The following POLR2F variants were observed in gnomAD, a reference collection of about 807,000 sequenced individuals.
POLR2F encodes the protein DNA-directed RNA polymerases I, II, and III subunit RPABC2.
POLR2F carries 12 observed loss-of-function variants against 22.7 expected under a neutral mutation model. The ratio of observed to expected loss-of-function variants is 0.53; its 90% CI spans 0.34 to 0.86. The LOEUF (loss-of-function observed/expected upper bound fraction) is 0.86, where lower values mean the gene tolerates loss of function less well. POLR2F is among the 40% of genes least tolerant of loss of function. The pLI, the probability that POLR2F is intolerant of heterozygous loss-of-function variation, is 0.02. For missense variants in POLR2F, 126 were observed against 171.5 expected (o/e 0.73, Z 1.48); for synonymous variants, 57 against 66.0 (o/e 0.86, Z 0.66).
intron 3 of POLR2F, among the ~76,000 whole-genome samples, chr22:37,965,151 A>C (rs910150860): frequency 5.9e-5 from 9 of 152,060 alleles, no homozygotes; most frequent in Non-Finnish European, 8.8e-5. Context: ...GACTACAGGC[A>C]TGTGCCACCA....
At position 37,974,644 on chromosome 22, in the gene POLR2F, C is replaced by T. The variant is rs971183225; in HGVS notation, c.293+7474C>T. 3.3e-5 allele frequency among the ~76,000 whole-genome samples: 5 copies of T among 152,184 alleles called. No individual in the cohort carries two copies. Among genetic ancestry groups the T allele is most frequent in the Non-Finnish European group, 4.4e-5 (3 of 68,036 alleles). On this transcript the variant is annotated intron_variant, in intron 4 of 4. Transcript: ENST00000405557. The surrounding 1 kb of genome is among the most constrained non-coding windows in gnomAD (Gnocchi z 5.4). ...CTGGGATTACCATCATGAGCCACTG[C>T]GCCCCACAGCATTTGTTTAAATACT...
chr22:37,998,955 C>T (rs1360176369), intron 1 of POLR2F, among the ~76,000 whole-genome samples: 2 of 151,946 alleles, frequency 1.3e-5, no homozygotes, highest in Admixed American at 1.3e-4. Context: ...GACCCGCCGC[C>T]CCAAGATGGG....
intron 1 of POLR2F, among the ~76,000 whole-genome samples, chr22:38,025,356 G>A (rs62235119): frequency 0.021 from 3,125 of 151,614 alleles, 59 homozygotes; most frequent in Non-Finnish European, 0.035. Context: ...CAATCACAAC[G>A]TACACACACA....
chr22:37,969,599 A>G (rs1320950573), downstream of POLR2F, among the ~76,000 whole-genome samples: 2 of 152,160 alleles, frequency 1.3e-5, no homozygotes, highest in Non-Finnish European at 2.9e-5. Context: ...TGCCAGCTCC[A>G]TATCCCTCAT....
intron 5 of POLR2F, among the ~76,000 whole-genome samples, chr22:38,037,437 C>G (rs989659082): frequency 4.2e-5 from 4 of 96,152 alleles, no homozygotes; most frequent in African/African-American, 2.3e-4. Context: ...CCATGCTCGG[C>G]TATTTTTTTT....
chr22:37,983,592 C>T (rs1413568253), upstream of POLR2F: 4 of 1,609,058 alleles, frequency 2.5e-6, no homozygotes, highest in Non-Finnish European at 1.7e-6. This position sits in a 1 kb window ranked among gnomAD's most constrained non-coding sequence, Gnocchi z 9.5. Context: ...AACTTGTCAT[C>T]GTCCGCCTCG....
At position 37,967,683 on chromosome 22, in the gene POLR2F, T is replaced by TG. The variant is rs1293095997; in HGVS notation, c.358dup (p.Val120GlyfsTer30). 6.2e-7 allele frequency: 1 copy of TG among 1,613,722 alleles called. No homozygotes were observed. The highest frequency in any genetic ancestry group is 1.3e-5 in the African/African-American group (1 of 74,866). ...CCTGCCAGATGGGAGCTATGAAGACTGGGGGGTGGACGAGCTCATCATCAC... is the reference window on the plus strand; with the variant it reads ...CCTGCCAGATGGGAGCTATGAAGACTGGGGGGGTGGACGAGCTCATCATCAC... On this transcript the variant is annotated frameshift_variant, in exon 5 of 5. Transcript: ENST00000442738. LOFTEE classifies it high-confidence loss of function.
intron 1 of POLR2F, among the ~76,000 whole-genome samples, chr22:37,998,338 G>T (rs1420883294): frequency 1.3e-5 from 2 of 152,222 alleles, no homozygotes; most frequent in African/African-American, 4.8e-5. Context: ...GGGCCGGGCC[G>T]AGGGTCTGAG....
chr22:37,973,915 G>T (rs949765986), downstream of POLR2F: 21 of 1,610,038 alleles, frequency 1.3e-5, no homozygotes, highest in Middle Eastern at 3.3e-4. Flanking sequence ...AGTGTCCACT[G>T]GCCACGGCCA....
At position 37,959,364 on chromosome 22, in the gene POLR2F, G is replaced by A. The variant is rs759220077; in HGVS notation, c.109G>A (p.Glu37Lys). ...NAEEEGQENV[E>K]ILPSGERPQA... ...TGTCCAGGAAGGCCAGGAGAATGTCGAGATCCTCCCCTCTGGGGAGCGACC... is the reference window on the plus strand; with the variant it reads ...TGTCCAGGAAGGCCAGGAGAATGTCAAGATCCTCCCCTCTGGGGAGCGACC... Residue 37 changes from glutamate to lysine, a missense_variant, in exon 3 of 5, where the codon GAG becomes AAG. Transcript: ENST00000442738. The A allele has an allele frequency of 5.0e-6, 8 of 1,613,872 alleles. No homozygotes were observed. The highest frequency in any genetic ancestry group is 5.1e-6 in the Non-Finnish European group (6 of 1,179,936).
At chr22:37,981,316 C>T (rs1372388409), upstream of POLR2F, among the ~76,000 whole-genome samples, 1 of 152,246 alleles carries the variant, frequency 6.6e-6, no homozygotes, top group East Asian at 1.9e-4. Context: ...GACCCCCCTC[C>T]AGGGTCCAGG....
At chr22:38,030,243 A>G (rs1295709361), downstream of POLR2F, among the ~76,000 whole-genome samples, 1 of 152,170 alleles carries the variant, frequency 6.6e-6, no homozygotes, top group Non-Finnish European at 1.5e-5. Context: ...TGGGAGCTTG[A>G]GAGAACCCAC....
chr22:37,983,416 C>T, upstream of POLR2F: 1 of 1,610,952 alleles, frequency 6.2e-7, no homozygotes, highest in Non-Finnish European at 8.5e-7. The surrounding 1 kb of genome is among the most constrained non-coding windows in gnomAD (Gnocchi z 9.5). Flanking sequence ...GGTACTGGTC[C>T]GCGAGCTTCC....
chr22:37,962,681 T>C (rs914452083), intron 3 of POLR2F, among the ~76,000 whole-genome samples: 1 of 152,230 alleles, frequency 6.6e-6, no homozygotes, highest in African/African-American at 2.4e-5. Context: ...CACTTCTTTT[T>C]CTTTTATTTA....
chr22:37,960,432 C>G (rs182936080), intron 3 of POLR2F, among the ~76,000 whole-genome samples: 378 of 152,258 alleles, frequency 2.5e-3, no homozygotes, highest in African/African-American at 7.7e-3. Flanking sequence ...GAGTCTCGCT[C>G]TATCACCCAG....
At chr22:38,021,872 C>T (rs903350694) in intron 1 of POLR2F, among the ~76,000 whole-genome samples, 9 of 151,396 alleles carry the variant, frequency 5.9e-5, no homozygotes, top group African/African-American at 2.2e-4. Context: ...TAGCTCACGT[C>T]TGTAATCCCA....
downstream of POLR2F, chr22:37,971,368 C>T: frequency 2.2e-6 from 1 of 461,640 alleles, no homozygotes; most frequent in Non-Finnish European, 4.5e-6. Context: ...CTTGGTGGAG[C>T]ACTTAGTAAA....
At chr22:37,999,077 C>T (rs1282009423) in intron 1 of POLR2F, among the ~76,000 whole-genome samples, 1 of 152,102 alleles carries the variant, frequency 6.6e-6, no homozygotes, top group Non-Finnish European at 1.5e-5. Flanking sequence ...CCCAGACGGC[C>T]GTACCCTCTA....
At chr22:38,013,562 C>A (rs2084890519) in intron 1 of POLR2F, among the ~76,000 whole-genome samples, 2 of 152,292 alleles carry the variant, frequency 1.3e-5, no homozygotes, top group South Asian at 4.1e-4. Flanking sequence ...CTAACTTATA[C>A]CCTTGTCAAA....
Sources: gnomAD v4.1 joint callset for allele counts (sites outside exome capture counted in the v4.1 genomes callset) on GRCh38, gnomAD v4.1.1 for gene constraint, Gnocchi (gnomAD v3.1) non-coding constraint, MANE v1.5 for transcripts, NCBI Gene and HGNC (gene_info 2026-07-23, HGNC 2026-07-21) for gene names.